Variants in SYNPR observed in about 807,000 individuals in gnomAD.
SYNPR encodes synaptoporin.
Under a neutral mutation model 32.9 loss-of-function variants are expected in SYNPR, and 23 were observed. The observed-to-expected ratio is 0.70, with a 90% CI of 0.50 to 0.99. SYNPR has a LOEUF of 0.99. Among genes scored for constraint, SYNPR ranks in the 50% least tolerant of loss-of-function variants. The pLI is 0.00. For missense variants in SYNPR, 318 were observed against 349.3 expected (o/e 0.91, Z 0.71); for synonymous variants, 146 against 135.9 (o/e 1.07, Z -0.52).
intron 2 of SYNPR, among the ~76,000 whole-genome samples, chr3:63,340,069 T>C (rs1206192151): frequency 6.6e-6 from 1 of 152,232 alleles, no homozygotes; most frequent in East Asian, 1.9e-4. Context: ...CTTATATAAA[T>C]ATAATTATAC....
intron 5 of SYNPR, among the ~76,000 whole-genome samples, chr3:63,612,805 A>G (rs1032423197): frequency 6.6e-6 from 1 of 152,178 alleles, no homozygotes; most frequent in Non-Finnish European, 1.5e-5. Context: ...ATCAATAGAT[A>G]GGAAATAGCT....
At chr3:63,316,711 T>G (rs759908825) in intron 2 of SYNPR, among the ~76,000 whole-genome samples, 1 of 151,976 alleles carries the variant, frequency 6.6e-6, no homozygotes, top group Non-Finnish European at 1.5e-5. Context: ...ATCTTTTGTA[T>G]TTTTTGCTTT....
At chr3:63,597,440 A>G (rs1002953558) in intron 4 of SYNPR, among the ~76,000 whole-genome samples, 5 of 152,162 alleles carry the variant, frequency 3.3e-5, no homozygotes, top group African/African-American at 1.2e-4. Flanking sequence ...TTCTTTGACG[A>G]AAAAACATGA....
At chr3:63,287,352 T>C (rs2086695119) in intron 2 of SYNPR, among the ~76,000 whole-genome samples, 1 of 152,170 alleles carries the variant, frequency 6.6e-6, no homozygotes, top group Non-Finnish European at 1.5e-5. Flanking sequence ...CTTTTTTTAG[T>C]TGATGAATTC....
At chr3:63,327,285 G>A (rs1022530964) in intron 2 of SYNPR, among the ~76,000 whole-genome samples, 2 of 152,208 alleles carry the variant, frequency 1.3e-5, no homozygotes, top group African/African-American at 4.8e-5. Flanking sequence ...ACTGTTGGTA[G>A]GAGTGTAAAT....
In SYNPR at chr3:63,536,669, C is replaced by T. The variant is rs113417856; in HGVS notation, c.210-19874C>T. Among the ~76,000 whole-genome samples, 983 of 152,150 alleles carry T rather than the reference C, an allele frequency of 6.5e-3. 9 individuals are homozygous for T. The highest frequency in any genetic ancestry group is 0.023 in the African/African-American group (935 of 41,512). ...ATATATGTCCACACAAAAATCTGTA[C>T]GTGAATGTTCCTAGCAGCTTTATTT... is the stretch of plus-strand genomic sequence containing the variant. On this transcript the variant is annotated intron_variant, in intron 3 of 5. Coordinates refer to ENST00000478300, the MANE Select transcript of SYNPR (RefSeq NM_001130003.2).
In SYNPR at chr3:63,240,375, T is replaced by A. The variant is rs968576892; in HGVS notation, n.66+11995T>A. Among the ~76,000 whole-genome samples, 3 of 151,940 alleles carry A rather than the reference T, an allele frequency of 2.0e-5. No homozygotes were observed. In the East Asian group the frequency reaches 5.8e-4, roughly 29 times the overall value. Reference sequence around the variant, plus strand: ...ACGGCATTCTAGGAAAAAAAGCAAATGTTTTCTCTCACCATCTGGAAAATG... The same window carrying A: ...ACGGCATTCTAGGAAAAAAAGCAAAAGTTTTCTCTCACCATCTGGAAAATG... On this transcript the variant is annotated intron_variant and non_coding_transcript_variant, in intron 1 of 4. Transcript: ENST00000478456.
intron 2 of SYNPR, among the ~76,000 whole-genome samples, chr3:63,446,191 T>C (rs571539814): frequency 3.3e-5 from 5 of 152,116 alleles, no homozygotes; most frequent in Non-Finnish European, 7.4e-5. Context: ...TGGTTCGTCA[T>C]TGGTGCAAAA....
At chr3:63,476,108 G>A (rs1700897904) in intron 2 of SYNPR, among the ~76,000 whole-genome samples, 1 of 96,412 alleles carries the variant, frequency 1.0e-5, no homozygotes, top group Admixed American at 1.0e-4. Flanking sequence ...GGAAGGGAGG[G>A]GGGAGGAAGG....
At chr3:63,259,237 C>T (rs891113589) in intron 2 of SYNPR, among the ~76,000 whole-genome samples, 3 of 152,162 alleles carry the variant, frequency 2.0e-5, no homozygotes, top group Non-Finnish European at 2.9e-5. Flanking sequence ...CCAGCATCAT[C>T]CTGATACCAA....
chr3:63,316,702 T>A (rs1225169306), intron 2 of SYNPR, among the ~76,000 whole-genome samples: 1 of 152,022 alleles, frequency 6.6e-6, no homozygotes, highest in Non-Finnish European at 1.5e-5. Context: ...GTTTCATTTA[T>A]CTTTTGTATT....
chr3:63,429,286 C>T (rs1699944343), intron 2 of SYNPR, among the ~76,000 whole-genome samples: 2 of 152,192 alleles, frequency 1.3e-5, no homozygotes, highest in African/African-American at 2.4e-5. Context: ...GCCTTCTTCT[C>T]TGTAGAGCAT....
rs1167949976 is a variant in SYNPR at position 63,595,743 on chromosome 3, A to AATTT, written c.409-13382_409-13381insATTT. 1.1e-3 allele frequency among the ~76,000 whole-genome samples: 51 copies of AATTT among 47,182 alleles called. 1 individual carries two copies. The highest frequency in any genetic ancestry group is 0.018 in the Middle Eastern group (2 of 114). The allele number at this position is 47,182 out of a possible 152,430, so 31.0% of individuals were successfully genotyped here. ...TATATATATATATATATATATATATATATATATATATATATATATATATAT... is the reference window on the plus strand; with the variant it reads ...TATATATATATATATATATATATATAATTTTATATATATATATATATATATATAT... On this transcript the variant is annotated intron_variant, in intron 4 of 5. Coordinates refer to ENST00000478300, the MANE Select transcript of SYNPR (RefSeq NM_001130003.2).
Position 63,487,828 on chromosome 3 carries a change from G to C in SYNPR, c.209+6872G>C, listed in dbSNP as rs553142087. ...GGAGGTTGGCATCGGTGGAGTAGGA[G>C]ACTGAGGCTTAGTCTGATCTTTGTA... is the stretch of plus-strand genomic sequence containing the variant. On this transcript the variant is annotated intron_variant, in intron 3 of 5. Transcript: ENST00000478300. Among the ~76,000 whole-genome samples the C allele has an allele frequency of 1.8e-4, 28 of 152,292 alleles. No homozygotes were observed. The South Asian group carries it at 3.7e-3, about 20-fold the overall frequency.
intron 2 of SYNPR, among the ~76,000 whole-genome samples, chr3:63,460,572 C>CAAAAAAAA (rs11390803): frequency 6.6e-5 from 3 of 45,712 alleles, no homozygotes; most frequent in South Asian, 1.1e-3. Context: ...ATTGGTAGAC[C>CAAAAAAAA]AAAAAAAAAA....
chr3:63,595,673 T>G (rs1398725464), intron 4 of SYNPR, among the ~76,000 whole-genome samples: 1 of 130,894 alleles, frequency 7.6e-6, no homozygotes, highest in Admixed American at 8.7e-5. Context: ...CGGTACCTAG[T>G]GTGTGATAAG....
chr3:63,470,351 A>T (rs7639381), intron 2 of SYNPR, among the ~76,000 whole-genome samples: 3,916 of 143,302 alleles, frequency 0.027, 176 homozygotes, highest in African/African-American at 0.11. Context: ...TAATTACTCT[A>T]TTTTTTTATA....
intron 2 of SYNPR, among the ~76,000 whole-genome samples, chr3:63,318,817 G>A (rs2087073619): frequency 6.6e-6 from 1 of 152,010 alleles, no homozygotes; most frequent in African/African-American, 2.4e-5. Flanking sequence ...TGATTTTTGA[G>A]GGGTGTTGAA....
intron 2 of SYNPR, among the ~76,000 whole-genome samples, chr3:63,370,532 A>C (rs183361380): frequency 6.6e-6 from 1 of 152,346 alleles, no homozygotes; most frequent in East Asian, 1.9e-4. Context: ...ACTCGCCCAA[A>C]AAATTATGCT....
Sources: allele counts gnomAD v4.1 joint callset (sites outside exome capture counted in the v4.1 genomes callset), GRCh38; gene constraint gnomAD v4.1.1; transcripts MANE v1.5; gene names NCBI Gene and HGNC (gene_info 2026-07-23, HGNC 2026-07-21).